FAM13C: variants seen among roughly 807,000 people sequenced by gnomAD.
The protein encoded by FAM13C is family with sequence similarity 13 member C.
A neutral mutation model predicts 73.2 loss-of-function variants in FAM13C; 37 were observed. The ratio of observed to expected loss-of-function variants is 0.51; its 90% CI spans 0.39 to 0.67. The LOEUF (loss-of-function observed/expected upper bound fraction) is 0.67. Ranked by LOEUF, FAM13C falls within the 30% of genes least tolerant of loss-of-function variation. The pLI, the probability that FAM13C is intolerant of heterozygous loss-of-function variation, is 0.00. For missense variants in FAM13C, 589 were observed against 715.6 expected, an observed-to-expected ratio of 0.82 and a Z score of 2.02; for synonymous variants, 246 against 260.9, an observed-to-expected ratio of 0.94 and a Z score of 0.55.
At position 59,251,680 on chromosome 10, in the gene FAM13C, T is replaced by C. The variant is rs1841391968; in HGVS notation, c.1533-4A>G. On this transcript the variant is annotated splice_region_variant and splice_polypyrimidine_tract_variant and intron_variant, in intron 12 of 13. Transcript: ENST00000618804. Reference sequence around the variant, plus strand: ...GAGATGGTCAAGAAGTACAGGCCTATATAAGGTAAAATACTTGTCATTACT... The same window carrying C: ...GAGATGGTCAAGAAGTACAGGCCTACATAAGGTAAAATACTTGTCATTACT... The C allele has an allele frequency of 2.5e-6, 4 of 1,596,744 alleles. No homozygotes were observed. The highest frequency in any genetic ancestry group is 3.4e-6 in the Non-Finnish European group (4 of 1,173,698).
chr10:59,297,803 A>G (rs1402840865), intron 5 of FAM13C, among the ~76,000 whole-genome samples: 1 of 152,078 alleles, frequency 6.6e-6, no homozygotes, highest in Non-Finnish European at 1.5e-5. Context: ...AGATTTTTCT[A>G]TGTTCCTACA....
In FAM13C at chr10:59,352,303, T is replaced by G. The variant is rs1855155228; in HGVS notation, c.291A>C (p.Lys97Asn). ...FKSRKPKSIF[K>N]AESGRSHGES... ...CTCCGTGGCTCCTCCCGCTCTCCGC[T>G]TTGAAGATGGACTTGGGCTTCCTGG... The change falls in exon 3 of 14, where the codon AAA becomes AAC. Residue 97 changes from lysine to asparagine, a missense_variant. By Grantham distance (94) the Lys-to-Asn change is moderately conservative. Transcript: ENST00000618804. The G allele has an allele frequency of 6.2e-7, 1 of 1,614,136 alleles. No individual in the cohort carries two copies. Among genetic ancestry groups the G allele is most frequent in the Non-Finnish European group, 8.5e-7 (1 of 1,180,022 alleles).
chr10:59,292,520 A>C (rs368608281), intron 5 of FAM13C, among the ~76,000 whole-genome samples: 16 of 152,374 alleles, frequency 1.1e-4, no homozygotes, highest in African/African-American at 3.6e-4. Context: ...ACTTTTTCTG[A>C]TAACACTACC....
At chr10:59,250,009 T>C (rs1386380357) in intron 13 of FAM13C, among the ~76,000 whole-genome samples, 1 of 152,222 alleles carries the variant, frequency 6.6e-6, no homozygotes, top group East Asian at 1.9e-4. Context: ...CTAAAAAATA[T>C]AAATTTATTC....
rs1848459616 is a variant in FAM13C at position 59,308,045 on chromosome 10, C to G, written c.444-5181G>C. On this transcript the variant is annotated intron_variant, in intron 4 of 13. Coordinates refer to ENST00000618804, the MANE Select transcript of FAM13C (RefSeq NM_198215.4). ...CTGGAAGCTGGCCTACACACAAAAA[C>G]TCGGTCACACTGAACACTCCCTCCA... 2.6e-5 allele frequency among the ~76,000 whole-genome samples: 4 copies of G among 152,180 alleles called. No individual in the cohort carries two copies. In the South Asian group the frequency reaches 8.3e-4, roughly 32 times the overall value.
At chr10:59,268,050 G>A (rs897439278) in intron 8 of FAM13C, among the ~76,000 whole-genome samples, 3 of 152,138 alleles carry the variant, frequency 2.0e-5, no homozygotes, top group African/African-American at 7.2e-5. Context: ...GTTCTTATGA[G>A]TGGCCTGAAC....
chr10:59,269,765 A>T, intron 7 of FAM13C, 134 bp downstream of exon 7: 1 of 1,068,814 alleles, frequency 9.4e-7, no homozygotes, highest in Non-Finnish European at 1.3e-6. Flanking sequence ...AATTTTTGTC[A>T]TTTATTGTTC....
intron 4 of FAM13C, 59 bp downstream of exon 4, chr10:59,323,929 C>T: frequency 2.9e-6 from 3 of 1,052,302 alleles, no homozygotes; most frequent in Non-Finnish European, 4.1e-6. Context: ...GGCAAGCACA[C>T]AGCATTTCTG....
intron 10 of FAM13C, among the ~76,000 whole-genome samples, chr10:59,259,810 A>G (rs1034929737): frequency 6.6e-6 from 1 of 152,144 alleles, no homozygotes; most frequent in African/African-American, 2.4e-5. Flanking sequence ...TCTCATTTGC[A>G]TGTGTCTATT....
intron 3 of FAM13C, among the ~76,000 whole-genome samples, chr10:59,343,208 A>T (rs1853747108): frequency 6.6e-6 from 1 of 152,188 alleles, no homozygotes; most frequent in Non-Finnish European, 1.5e-5. Context: ...TGCTAGACCT[A>T]CTTCTTTGTT....
chr10:59,340,818 T>C (rs938247335), intron 3 of FAM13C, among the ~76,000 whole-genome samples: 1 of 151,096 alleles, frequency 6.6e-6, no homozygotes, highest in African/African-American at 2.4e-5. Context: ...GTTTTTGCCA[T>C]TACTTGGCAA....
chr10:59,304,305 T>A (rs1847953263), intron 4 of FAM13C, among the ~76,000 whole-genome samples: 1 of 152,202 alleles, frequency 6.6e-6, no homozygotes, highest in Admixed American at 6.5e-5. Flanking sequence ...ATTCTGTAGA[T>A]TGCCTGTTTA....
chr10:59,258,540 T>C (rs1281890904), intron 10 of FAM13C, among the ~76,000 whole-genome samples: 2 of 152,046 alleles, frequency 1.3e-5, no homozygotes, highest in Admixed American at 6.6e-5. Context: ...ATGCTCTACA[T>C]AGAAACTCCA....
chr10:59,283,288 G>T, intron 6 of FAM13C, 75 bp downstream of exon 6: 1 of 1,493,614 alleles, frequency 6.7e-7, no homozygotes. Flanking sequence ...AGGGGCTCAG[G>T]CTGAGTGTGA....
intron 8 of FAM13C, among the ~76,000 whole-genome samples, chr10:59,266,517 C>T (rs967999742): frequency 1.3e-5 from 2 of 152,148 alleles, no homozygotes; most frequent in African/African-American, 4.8e-5. Flanking sequence ...TAAGCACAGC[C>T]TGGCATGCTG....
intron 5 of FAM13C, among the ~76,000 whole-genome samples, chr10:59,294,177 A>G (rs774596111): frequency 6.6e-6 from 1 of 152,266 alleles, no homozygotes; most frequent in Non-Finnish European, 1.5e-5. Context: ...CCAAAAAGCA[A>G]TAAAAACTAC....
At position 59,321,426 on chromosome 10, in the gene FAM13C, C is replaced by T. The variant is rs1368709869; in HGVS notation, c.443+2562G>A. On this transcript the variant is annotated intron_variant, in intron 4 of 13. Transcript: ENST00000618804. ...CCTCTAGAAAGGAATGGAGCCCTGC[C>T]AACACCTTTTTTTTTTTTTTTTTTT... Among the ~76,000 whole-genome samples the T allele has an allele frequency of 4.5e-5, 6 of 134,644 alleles. No homozygotes were observed. The Admixed American group carries it at 4.8e-4, about 11-fold the overall frequency. The allele number at this position is 134,644 out of a possible 152,430, so 88.3% of individuals were successfully genotyped here.
intron 7 of FAM13C, among the ~76,000 whole-genome samples, chr10:59,268,970 G>A (rs1016241029): frequency 3.9e-5 from 6 of 152,100 alleles, no homozygotes; most frequent in African/African-American, 9.7e-5. Flanking sequence ...TTTAAGACTC[G>A]AAAGAGACAG....
chr10:59,287,578 C>T (rs544032261), intron 5 of FAM13C, among the ~76,000 whole-genome samples: 99 of 152,034 alleles, frequency 6.5e-4, no homozygotes, highest in South Asian at 1.7e-3. Flanking sequence ...TCCCACAGAA[C>T]GAGAGGGAAT....
Sources: gnomAD v4.1 joint callset for allele counts (sites outside exome capture counted in the v4.1 genomes callset) on GRCh38, gnomAD v4.1.1 for gene constraint, MANE v1.5 for transcripts, NCBI Gene and HGNC (gene_info 2026-07-23, HGNC 2026-07-21) for gene names.